Variants in ERC2 observed in about 807,000 individuals in gnomAD.
ERC2 encodes the protein ELKS/RAB6-interacting/CAST family member 2, also known as ERC protein 2.
In ERC2, 42 loss-of-function variants were observed where a neutral mutation model predicts 114.8. The observed-to-expected ratio is 0.37, with a 90% CI of 0.29 to 0.47. The LOEUF (loss-of-function observed/expected upper bound fraction) is 0.47. Among genes scored for constraint, ERC2 ranks in the 20% least tolerant of loss-of-function variants. The pLI is 0.99. For synonymous variants in ERC2, 454 were observed against 425.5 expected (o/e 1.07, Z -0.82); for missense variants, 939 against 1,150.7 (o/e 0.82, Z 2.66).
At chr3:55,511,869 T>C (rs2052091442) in intron 17 of ERC2, among the ~76,000 whole-genome samples, 1 of 152,200 alleles carries the variant, frequency 6.6e-6, no homozygotes, top group African/African-American at 2.4e-5. Flanking sequence ...TGGATACAAC[T>C]GCATCCTGGG....
chr3:55,969,832 T>C (rs1003928172), intron 12 of ERC2, among the ~76,000 whole-genome samples: 1 of 152,152 alleles, frequency 6.6e-6, no homozygotes, highest in African/African-American at 2.4e-5. Context: ...AAAAAAATGG[T>C]AATCACAGCT....
At chr3:56,030,196 C>T (rs182278239) in intron 7 of ERC2, among the ~76,000 whole-genome samples, 3 of 152,152 alleles carry the variant, frequency 2.0e-5, no homozygotes, top group Admixed American at 1.3e-4. Flanking sequence ...CCAGTTTGTT[C>T]AAATTTGGTG....
rs2080740263 is a variant in ERC2, at chr3:56,139,761, T to G, written c.1306-85A>C. On this transcript the variant is annotated intron_variant, in intron 5 of 17. Coordinates refer to ENST00000288221, the MANE Select transcript of ERC2 (RefSeq NM_015576.3). ...GGACAACTACTGATTTCTCTCCATTTCAGCAGCCAGTGATCAATAATCCAA... is the reference window on the plus strand; with the variant it reads ...GGACAACTACTGATTTCTCTCCATTGCAGCAGCCAGTGATCAATAATCCAA... 10 of 1,406,056 alleles carry G rather than the reference T, an allele frequency of 7.1e-6. No individual in the cohort carries two copies. In the South Asian group the frequency reaches 1.3e-4, roughly 18 times the overall value. 87.1% of individuals were successfully genotyped at this position (1,406,056 alleles called of 1,614,324 possible).
intron 1 of ERC2, among the ~76,000 whole-genome samples, chr3:56,443,363 C>T (rs1191735560): frequency 6.6e-6 from 1 of 152,190 alleles, no homozygotes; most frequent in Non-Finnish European, 1.5e-5. Context: ...TAGTTAGCGA[C>T]GTAGGCTCAC....
At chr3:56,129,923 A>T (rs2080105878) in intron 6 of ERC2, among the ~76,000 whole-genome samples, 1 of 152,222 alleles carries the variant, frequency 6.6e-6, no homozygotes, top group Non-Finnish European at 1.5e-5. Context: ...CATCCTAATG[A>T]GCTCAAAAAG....
chr3:56,105,463 T>G (rs9870248), intron 6 of ERC2, among the ~76,000 whole-genome samples: 1 of 152,006 alleles, frequency 6.6e-6, no homozygotes, highest in Non-Finnish European at 1.5e-5. Flanking sequence ...CAGGTGTGCA[T>G]CACCACACCT....
At chr3:55,611,039 A>G (rs1010606105) in intron 17 of ERC2, 34 of 152,328 alleles carry the variant, frequency 2.2e-4, no homozygotes, top group African/African-American at 7.7e-4. Context: ...CCTAAAACTC[A>G]CTCACTCTGC....
chr3:56,318,601 A>G (rs995562623), intron 2 of ERC2, among the ~76,000 whole-genome samples: 13 of 152,016 alleles, frequency 8.6e-5, no homozygotes, highest in Admixed American at 6.6e-5. Context: ...AAAAAAAAAA[A>G]GACAACCTGA....
intron 2 of ERC2, among the ~76,000 whole-genome samples, chr3:56,338,260 G>C (rs7637946): frequency 0.25 from 37,856 of 152,096 alleles, 5,037 homozygotes; most frequent in Admixed American, 0.3. Flanking sequence ...TCATTATGCT[G>C]TACATTTATG....
chr3:56,353,410 G>A (rs1168183429), intron 2 of ERC2, among the ~76,000 whole-genome samples: 1 of 151,810 alleles, frequency 6.6e-6, no homozygotes, highest in African/African-American at 2.4e-5. Flanking sequence ...CAACCCAAAT[G>A]TCCATCAGTG....
chr3:55,686,321 A>T lies in ERC2; in HGVS notation c.2848-2462T>A, dbSNP rs896835671. 2.6e-5 allele frequency among the ~76,000 whole-genome samples: 4 copies of T among 152,340 alleles called. No homozygotes were observed. The South Asian group carries it at 8.3e-4, about 32-fold the overall frequency. ...CTTTCATGAACTCAGAATATTATGC[A>T]TTTTTAAAAGTTTTTAGTTTTTTAA... On this transcript the variant is annotated intron_variant, in intron 16 of 17. Coordinates refer to ENST00000288221, the MANE Select transcript of ERC2 (RefSeq NM_015576.3).
At chr3:56,234,504 C>T (rs1349072261) in intron 3 of ERC2, among the ~76,000 whole-genome samples, 1 of 152,118 alleles carries the variant, frequency 6.6e-6, no homozygotes, top group African/African-American at 2.4e-5. Flanking sequence ...GGTCTTGGCC[C>T]ACAGTTCTTA....
intron 14 of ERC2, among the ~76,000 whole-genome samples, chr3:55,825,015 A>T (rs1473269282): frequency 1.3e-5 from 2 of 152,148 alleles, no homozygotes; most frequent in Admixed American, 1.3e-4. Flanking sequence ...TTTACCACCA[A>T]ATTGAGGTCT....
intron 2 of ERC2, among the ~76,000 whole-genome samples, chr3:56,342,351 T>C (rs759245979): frequency 3.9e-5 from 6 of 152,268 alleles, no homozygotes; most frequent in Non-Finnish European, 4.4e-5. Flanking sequence ...GTAAATTCAC[T>C]AAGTAATTTC....
At chr3:55,686,599 T>G (rs911174368) in intron 16 of ERC2, among the ~76,000 whole-genome samples, 19 of 152,222 alleles carry the variant, frequency 1.2e-4, no homozygotes, top group African/African-American at 4.1e-4. Flanking sequence ...TCAGCAACCT[T>G]ACTGCACAGA....
chr3:55,553,551 C>A (rs980570757), intron 17 of ERC2, among the ~76,000 whole-genome samples: 1 of 151,854 alleles, frequency 6.6e-6, no homozygotes, highest in Non-Finnish European at 1.5e-5. Flanking sequence ...GAGGCCGAGG[C>A]GGGCAGATCA....
intron 3 of ERC2, among the ~76,000 whole-genome samples, chr3:56,246,641 G>A (rs1020962436): frequency 1.4e-4 from 22 of 152,092 alleles, no homozygotes; most frequent in African/African-American, 5.3e-4. Context: ...GCTGCTAAGT[G>A]GCAGAATGAT....
intron 2 of ERC2, among the ~76,000 whole-genome samples, chr3:56,416,626 A>G (rs917497848): frequency 6.7e-6 from 1 of 150,288 alleles, no homozygotes; most frequent in Admixed American, 6.6e-5. Flanking sequence ...CACCACTTGG[A>G]TAAATGACGC....
At chr3:56,046,831 T>C (rs2075487863) in intron 7 of ERC2, among the ~76,000 whole-genome samples, 1 of 152,190 alleles carries the variant, frequency 6.6e-6, no homozygotes, top group African/African-American at 2.4e-5. Context: ...ACCCTTTCAT[T>C]TTCTTCCTTT....
Sources: gnomAD v4.1 joint callset for allele counts (sites outside exome capture counted in the v4.1 genomes callset) on GRCh38, gnomAD v4.1.1 for gene constraint, MANE v1.5 for transcripts, NCBI Gene and HGNC (gene_info 2026-07-23, HGNC 2026-07-21) for gene names.